CNTNAP5: variants seen among roughly 807,000 people sequenced by gnomAD.
CNTNAP5 encodes contactin associated protein family member 5.
A neutral mutation model predicts 150.2 loss-of-function variants in CNTNAP5; 72 were observed. That is an observed-to-expected ratio of 0.48 (90% confidence interval 0.40 to 0.58). The LOEUF (loss-of-function observed/expected upper bound fraction) is 0.58, where lower values mean the gene tolerates loss of function less well. Ranked by LOEUF, CNTNAP5 falls within the 20% of genes least tolerant of loss-of-function variation. The pLI, the probability that CNTNAP5 is intolerant of heterozygous loss-of-function variation, is 0.00. For missense variants in CNTNAP5, 1,636 were observed against 1,626.2 expected (o/e 1.01, Z -0.10); for synonymous variants, 672 against 619.8 (o/e 1.08, Z -1.25).
intron 1 of CNTNAP5, among the ~76,000 whole-genome samples, chr2:124,217,897 A>G (rs1156235524): frequency 2.0e-5 from 3 of 152,130 alleles, no homozygotes; most frequent in South Asian, 2.1e-4. Flanking sequence ...GACAGTGAAA[A>G]TAAAACTTAG....
At chr2:124,408,581 C>A (rs1224424490) in intron 3 of CNTNAP5, among the ~76,000 whole-genome samples, 1 of 151,902 alleles carries the variant, frequency 6.6e-6, no homozygotes, top group African/African-American at 2.4e-5. Context: ...TGACCCCTGA[C>A]CCCCGAGCAG....
intron 3 of CNTNAP5, among the ~76,000 whole-genome samples, chr2:124,258,819 C>T (rs1258010171): frequency 1.3e-5 from 2 of 152,070 alleles, no homozygotes; most frequent in African/African-American, 4.8e-5. Context: ...TGACATTAAA[C>T]AATCTCGAAT....
chr2:124,143,775 T>C (rs1322573814), intron 1 of CNTNAP5, among the ~76,000 whole-genome samples: 1 of 132,132 alleles, frequency 7.6e-6, no homozygotes, highest in East Asian at 2.3e-4. Context: ...CAACATAGTG[T>C]TGGAAGTTCT....
intron 20 of CNTNAP5, among the ~76,000 whole-genome samples, chr2:124,868,783 C>T (rs978669832): frequency 2.6e-5 from 4 of 152,114 alleles, no homozygotes; most frequent in African/African-American, 9.7e-5. Context: ...TGCACTCAAG[C>T]TGTGCAAAGT....
At chr2:124,675,138 G>T (rs754747803) in intron 13 of CNTNAP5, among the ~76,000 whole-genome samples, 1 of 151,878 alleles carries the variant, frequency 6.6e-6, no homozygotes, top group Non-Finnish European at 1.5e-5. Flanking sequence ...GTTGTTAGTC[G>T]TATAAATGTT....
At chr2:124,130,469 A>T (rs186058715) in intron 1 of CNTNAP5, among the ~76,000 whole-genome samples, 1 of 152,076 alleles carries the variant, frequency 6.6e-6, no homozygotes, top group South Asian at 2.1e-4. Flanking sequence ...CCTTTAGCCT[A>T]TTCATGGGCT....
intron 21 of CNTNAP5, among the ~76,000 whole-genome samples, chr2:124,892,839 G>GT (rs1370012060): frequency 2.0e-5 from 3 of 152,082 alleles, no homozygotes; most frequent in Non-Finnish European, 4.4e-5. Context: ...CCAGAAATAT[G>GT]TTTTTTCTTT....
At chr2:124,858,193 A>C (rs906995338) in intron 19 of CNTNAP5, among the ~76,000 whole-genome samples, 2 of 152,150 alleles carry the variant, frequency 1.3e-5, no homozygotes, top group African/African-American at 4.8e-5. Context: ...CAGTGTTGGA[A>C]GTTCTGGCCA....
intron 3 of CNTNAP5, among the ~76,000 whole-genome samples, chr2:124,362,391 A>T (rs996430658): frequency 2.0e-5 from 3 of 152,240 alleles, no homozygotes; most frequent in Admixed American, 6.5e-5. Context: ...GATAAAGAGG[A>T]TATATCGACT....
At chr2:124,652,339 G>T (rs569268134) in intron 13 of CNTNAP5, among the ~76,000 whole-genome samples, 17 of 152,216 alleles carry the variant, frequency 1.1e-4, no homozygotes, top group Admixed American at 2.6e-4. Flanking sequence ...GAGCCCAGGG[G>T]GGGAGAATCA....
intron 3 of CNTNAP5, among the ~76,000 whole-genome samples, chr2:124,265,845 AAC>A (rs1491439770): frequency 6.6e-6 from 1 of 151,806 alleles, no homozygotes; most frequent in African/African-American, 2.4e-5. Flanking sequence ...GGTAAAAAAA[AAC>A]AGAGTCAGTC....
intron 1 of CNTNAP5, among the ~76,000 whole-genome samples, chr2:124,188,910 G>C (rs1055237073): frequency 6.6e-6 from 1 of 151,796 alleles, no homozygotes; most frequent in African/African-American, 2.4e-5. Flanking sequence ...TAACCTAAAG[G>C]GTTTCACATC....
At chr2:124,087,461 C>T (rs1004625289) in intron 1 of CNTNAP5, among the ~76,000 whole-genome samples, 1 of 151,852 alleles carries the variant, frequency 6.6e-6, no homozygotes, top group Non-Finnish European at 1.5e-5. Flanking sequence ...TAGTTGCTCA[C>T]GTCTGTAATC....
intron 1 of CNTNAP5, among the ~76,000 whole-genome samples, chr2:124,052,146 A>T (rs1213959): frequency 3.3e-5 from 5 of 152,158 alleles, no homozygotes; most frequent in South Asian, 2.1e-4. Context: ...TGGTGACAAA[A>T]GTCCCTGGGC....
intron 13 of CNTNAP5, among the ~76,000 whole-genome samples, chr2:124,684,607 G>A (rs1055117438): frequency 6.6e-6 from 1 of 152,276 alleles, no homozygotes; most frequent in African/African-American, 2.4e-5. Flanking sequence ...AAAGCTGTGT[G>A]ACCTTGGAAG....
intron 1 of CNTNAP5, among the ~76,000 whole-genome samples, chr2:124,090,320 T>C (rs987006779): frequency 6.6e-6 from 1 of 152,196 alleles, no homozygotes; most frequent in Non-Finnish European, 1.5e-5. Context: ...GGATATTGCT[T>C]TTCTTTAATA....
intron 19 of CNTNAP5, among the ~76,000 whole-genome samples, chr2:124,826,927 C>CT (rs201432048): frequency 0.015 from 2,289 of 151,846 alleles, 50 homozygotes; most frequent in African/African-American, 0.053. Context: ...TCTTTTCTTT[C>CT]TTTTTTTTCT....
At chr2:124,814,136 C>T (rs1176634028) in intron 19 of CNTNAP5, among the ~76,000 whole-genome samples, 1 of 151,898 alleles carries the variant, frequency 6.6e-6, no homozygotes, top group African/African-American at 2.4e-5. Flanking sequence ...ATTCTTACAC[C>T]CCACTATACT....
At chr2:124,759,922 A>ACCT (rs1454088823) in intron 14 of CNTNAP5, among the ~76,000 whole-genome samples, 2 of 123,192 alleles carry the variant, frequency 1.6e-5, no homozygotes, top group East Asian at 4.9e-4. Context: ...GCTTCTTGTT[A>ACCT]CCTAAACTCC....
Sources: gnomAD v4.1 joint callset for allele counts (sites outside exome capture counted in the v4.1 genomes callset) on GRCh38, gnomAD v4.1.1 for gene constraint, MANE v1.5 for transcripts, NCBI Gene and HGNC (gene_info 2026-07-23, HGNC 2026-07-21) for gene names.